The following P2RY1 variants were observed in gnomAD, a reference collection of about 807,000 sequenced individuals.
P2RY1 encodes P2Y purinoceptor 1.
P2RY1 carries 14 observed loss-of-function variants against 22.8 expected under a neutral mutation model. That is an observed-to-expected ratio of 0.61 (90% CI 0.41 to 0.96). The LOEUF (loss-of-function observed/expected upper bound fraction) is 0.96. Among genes scored for constraint, P2RY1 ranks in the 40% least tolerant of loss-of-function variants. P2RY1 has a pLI of 0.00. For missense variants in P2RY1, 395 were observed against 470.3 expected, an observed-to-expected ratio of 0.84 and a Z score of 1.48; for synonymous variants, 200 against 195.1, an observed-to-expected ratio of 1.03 and a Z score of -0.21.
In P2RY1 at chr3:152,838,609, G is replaced by A. The variant is rs181736680; in HGVS notation, c.*1705G>A. ...TAATGACAGGAAATTTTCAGGTCTT[G>A]ATTTCAGTTCTTGCAATGCCTATGT... is the stretch of plus-strand genomic sequence containing the variant. On this transcript the variant is annotated 3_prime_UTR_variant, in exon 1 of 1. Coordinates refer to ENST00000305097, the MANE Select transcript of P2RY1 (RefSeq NM_002563.5). 2.6e-5 allele frequency: 4 copies of A among 152,278 alleles called. No homozygotes were observed. In the East Asian group the frequency reaches 7.7e-4, roughly 29 times the overall value. 9.4% of individuals were successfully genotyped at this position (152,278 alleles called of 1,614,324 possible).
rs571364331 is a variant in P2RY1 at position 152,841,045 on chromosome 3, A to G, written c.*4141A>G. 5.9e-5 allele frequency: 9 copies of G among 152,172 alleles called. No individual in the cohort carries two copies. The highest frequency in any genetic ancestry group is 1.2e-4 in the Non-Finnish European group (8 of 68,026). The allele number at this position is 152,172 out of a possible 1,614,324, so 9.4% of individuals were successfully genotyped here. A position where few individuals can be genotyped will look rare whatever the true frequency, so the allele number is the denominator to read the frequency against. On this transcript the variant is annotated 3_prime_UTR_variant, in exon 1 of 1. Transcript: ENST00000305097. Reference sequence around the variant, plus strand: ...TTTTTATATTATCTGTGATTTTAATATAGATGATTGAACTAGATTTCTTTT... The same window carrying G: ...TTTTTATATTATCTGTGATTTTAATGTAGATGATTGAACTAGATTTCTTTT...
chr3:152,835,654 C>A lies in P2RY1; in HGVS notation c.-129C>A. ...GGGCGAGCCCCTGCGCGCCCCCTCCCGCGGGGATCCAGTTCGCCTGCTCCC... is the reference window on the plus strand; with the variant it reads ...GGGCGAGCCCCTGCGCGCCCCCTCCAGCGGGGATCCAGTTCGCCTGCTCCC... On this transcript the variant is annotated 5_prime_UTR_variant, in exon 1 of 1. Coordinates refer to ENST00000305097, the MANE Select transcript of P2RY1 (RefSeq NM_002563.5). The A allele has an allele frequency of 1.1e-6, 1 of 930,658 alleles. No homozygotes were observed. The highest frequency in any genetic ancestry group is 1.6e-6 in the Non-Finnish European group (1 of 641,568). The allele number at this position is 930,658 out of a possible 1,614,324, so 57.7% of individuals were successfully genotyped here.
rs2108027001 is a variant in P2RY1 at position 152,836,283 on chromosome 3, T to C, written c.501T>C (p.Asn167=). 1 of 1,614,118 alleles carries C rather than the reference T, an allele frequency of 6.2e-7. No individual in the cohort carries two copies. The highest frequency in any genetic ancestry group is 1.1e-5 in the South Asian group (1 of 91,072). The change falls in exon 1 of 1, where the codon AAT becomes AAC. Residue 167 remains asparagine, a synonymous_variant. Coordinates refer to ENST00000305097, the MANE Select transcript of P2RY1 (RefSeq NM_002563.5). The surrounding 1 kb of genome is among the most constrained non-coding windows in gnomAD (Gnocchi z 5.6). ...LKSLGRLKKK[N]AICISVLVWL... is the part of the protein sequence containing the mutation. ...CCCTGGGCCGGCTCAAAAAGAAGAA[T>C]GCGATCTGTATCAGCGTGCTGGTGT...
In P2RY1 at chr3:152,835,251, G is replaced by A. The variant is rs1235509009; in HGVS notation, c.-532G>A. 1 of 153,190 alleles carries A rather than the reference G, an allele frequency of 6.5e-6. No homozygotes were observed. Among genetic ancestry groups the A allele is most frequent in the Non-Finnish European group, 1.5e-5 (1 of 68,826 alleles). 9.5% of individuals were successfully genotyped at this position (153,190 alleles called of 1,614,324 possible). The stretch of plus-strand genomic sequence containing the variant: ...CGCTCCGATGGCTGCCAGGAGCTGA[G>A]CTCAGGGTGGGCGGAGGAAGCGGTT... On this transcript the variant is annotated 5_prime_UTR_variant, in exon 1 of 1. Coordinates refer to ENST00000305097, the MANE Select transcript of P2RY1 (RefSeq NM_002563.5).
Position 152,839,394 on chromosome 3 carries a change from G to A in P2RY1, c.*2490G>A, listed in dbSNP as rs1262134376. 1 of 152,186 alleles carries A rather than the reference G, an allele frequency of 6.6e-6. No homozygotes were observed. 9.4% of individuals were successfully genotyped at this position (152,186 alleles called of 1,614,324 possible). A position where few individuals can be genotyped will look rare whatever the true frequency, so the allele number is the denominator to read the frequency against. The stretch of plus-strand genomic sequence containing the variant: ...TGAAAAACTGATCAGGTCATATGAT[G>A]ATTGAAGTATGTTTATTGTAAGGGC... On this transcript the variant is annotated 3_prime_UTR_variant, in exon 1 of 1. Transcript: ENST00000305097.
In P2RY1 at chr3:152,837,696, C is replaced by T. The variant is rs1364497626; in HGVS notation, c.*792C>T. The T allele has an allele frequency of 2.4e-5, 4 of 167,052 alleles. No homozygotes were observed. The highest frequency in any genetic ancestry group is 5.9e-5 in the Non-Finnish European group (4 of 68,108). 10.3% of individuals were successfully genotyped at this position (167,052 alleles called of 1,614,324 possible). A position where few individuals can be genotyped will look rare whatever the true frequency, so the allele number is the denominator to read the frequency against. On this transcript the variant is annotated 3_prime_UTR_variant, in exon 1 of 1. Coordinates refer to ENST00000305097, the MANE Select transcript of P2RY1 (RefSeq NM_002563.5). ...CTCTTAGACATCTTGTGATAAAGAG[C>T]ATTTACTTGCCCCACTGCTGTGCAA...
Position 152,838,294 on chromosome 3 carries a change from A to G in P2RY1, c.*1390A>G, listed in dbSNP as rs911667384. On this transcript the variant is annotated 3_prime_UTR_variant, in exon 1 of 1. Coordinates refer to ENST00000305097, the MANE Select transcript of P2RY1 (RefSeq NM_002563.5). ...TGCCAGGTGTTAATGAAAAATTTGT[A>G]AAATGCTTCAACAGTGTTAATAATT... 2.6e-5 allele frequency: 4 copies of G among 152,196 alleles called. No homozygotes were observed. The highest frequency in any genetic ancestry group is 5.9e-5 in the Non-Finnish European group (4 of 68,036). 9.4% of individuals were successfully genotyped at this position (152,196 alleles called of 1,614,324 possible).
chr3:152,835,737 C>A lies in P2RY1; in HGVS notation c.-46C>A, dbSNP rs1351827693. On this transcript the variant is annotated 5_prime_UTR_variant, in exon 1 of 1. Transcript: ENST00000305097. ...GCCCCTGGCCGCCGCTGCCCTCTCG[C>A]CGCCTCCTACCCCTCGGAGCCGCCG... The A allele has an allele frequency of 6.6e-7, 1 of 1,513,210 alleles. No homozygotes were observed. The highest frequency in any genetic ancestry group is 2.3e-5 in the East Asian group (1 of 44,028). 93.7% of individuals were successfully genotyped at this position (1,513,210 alleles called of 1,614,324 possible).
Position 152,835,724 on chromosome 3 carries a change from C to G in P2RY1, c.-59C>G. The G allele has an allele frequency of 6.8e-7, 1 of 1,477,474 alleles. No homozygotes were observed. Among genetic ancestry groups the G allele is most frequent in the East Asian group, 2.3e-5 (1 of 43,578 alleles). The allele number at this position is 1,477,474 out of a possible 1,614,324, so 91.5% of individuals were successfully genotyped here. A position where few individuals can be genotyped will look rare whatever the true frequency, so the allele number is the denominator to read the frequency against. On this transcript the variant is annotated 5_prime_UTR_variant, in exon 1 of 1. Coordinates refer to ENST00000305097, the MANE Select transcript of P2RY1 (RefSeq NM_002563.5). The stretch of plus-strand genomic sequence containing the variant: ...CGATGCTTGCTGCGCCCCTGGCCGC[C>G]GCTGCCCTCTCGCCGCCTCCTACCC...
chr3:152,837,014 GAAAATAGTGAGTTAAAA>G lies in P2RY1; in HGVS notation c.*114_*130del. On this transcript the variant is annotated 3_prime_UTR_variant, in exon 1 of 1. Coordinates refer to ENST00000305097, the MANE Select transcript of P2RY1 (RefSeq NM_002563.5). ...CTAGTTTAGAAAAAAATCAAACCAA[GAAAATAGTGAGTTAAAA>G]AAATAATAGAAGTAGAAATGCCCAC... 1 of 835,004 alleles carries G rather than the reference GAAAATAGTGAGTTAAAA, an allele frequency of 1.2e-6. No homozygotes were observed. The highest frequency in any genetic ancestry group is 1.9e-6 in the Non-Finnish European group (1 of 535,666). The allele number at this position is 835,004 out of a possible 1,614,324, so 51.7% of individuals were successfully genotyped here.
At position 152,835,584 on chromosome 3, in the gene P2RY1, G is replaced by A. The variant is rs1171329500; in HGVS notation, c.-199G>A. 2 of 570,446 alleles carry A rather than the reference G, an allele frequency of 3.5e-6. No individual in the cohort carries two copies. Among genetic ancestry groups the A allele is most frequent in the Non-Finnish European group, 6.0e-6 (2 of 331,584 alleles). The allele number at this position is 570,446 out of a possible 1,614,324, so 35.3% of individuals were successfully genotyped here. A position where few individuals can be genotyped will look rare whatever the true frequency, so the allele number is the denominator to read the frequency against. On this transcript the variant is annotated 5_prime_UTR_variant, in exon 1 of 1. Coordinates refer to ENST00000305097, the MANE Select transcript of P2RY1 (RefSeq NM_002563.5). ...ATAGCCCAGTTCGGTGGCGGCCCGG[G>A]GCGGATTTCATGGCCCGCGGCGAAC...
At position 152,837,007 on chromosome 3, in the gene P2RY1, A is replaced by T; in HGVS notation, c.*103A>T. 1 of 912,760 alleles carries T rather than the reference A, an allele frequency of 1.1e-6. No individual in the cohort carries two copies. Among genetic ancestry groups the T allele is most frequent in the Non-Finnish European group, 1.7e-6 (1 of 602,182 alleles). The allele number at this position is 912,760 out of a possible 1,614,324, so 56.5% of individuals were successfully genotyped here. The stretch of plus-strand genomic sequence containing the variant: ...TAACTTTCTAGTTTAGAAAAAAATC[A>T]AACCAAGAAAATAGTGAGTTAAAAA... On this transcript the variant is annotated 3_prime_UTR_variant, in exon 1 of 1. Coordinates refer to ENST00000305097, the MANE Select transcript of P2RY1 (RefSeq NM_002563.5).
chr3:152,836,453 C>G lies in P2RY1; in HGVS notation c.671C>G (p.Ala224Gly). 1.2e-6 allele frequency: 2 copies of G among 1,614,086 alleles called. No homozygotes were observed. The highest frequency in any genetic ancestry group is 1.7e-5 in the Admixed American group (1 of 60,022). ...YFIYSMCTTV[A>G]MFCVPLVLIL... ...ATCTACAGCATGTGCACGACCGTGG[C>G]CATGTTCTGTGTCCCCTTGGTGCTG... The change falls in exon 1 of 1, where the codon GCC (alanine) becomes GGC (glycine). Residue 224 changes from alanine (A) to glycine (G), a missense_variant. Transcript: ENST00000305097. The surrounding 1 kb of genome is among the most constrained non-coding windows in gnomAD (Gnocchi z 5.6).
rs1284407458 is a variant in P2RY1, at chr3:152,837,977, C to A, written c.*1073C>A. 1.8e-5 allele frequency: 3 copies of A among 167,082 alleles called. No homozygotes were observed. The East Asian group carries it at 5.8e-4, about 32-fold the overall frequency. 10.3% of individuals were successfully genotyped at this position (167,082 alleles called of 1,614,324 possible). On this transcript the variant is annotated 3_prime_UTR_variant, in exon 1 of 1. Transcript: ENST00000305097. ...GGCAGAAGACATTTTAGAATGAGGG[C>A]TTTAGTTTAAATTAAAGTCATGGTG...
chr3:152,837,001 A>G lies in P2RY1; in HGVS notation c.*97A>G. Reference sequence around the variant, plus strand: ...CCTCTTTAACTTTCTAGTTTAGAAAAAAATCAAACCAAGAAAATAGTGAGT... The same window carrying G: ...CCTCTTTAACTTTCTAGTTTAGAAAGAAATCAAACCAAGAAAATAGTGAGT... On this transcript the variant is annotated 3_prime_UTR_variant, in exon 1 of 1. Coordinates refer to ENST00000305097, the MANE Select transcript of P2RY1 (RefSeq NM_002563.5). 1.0e-6 allele frequency: 1 copy of G among 985,182 alleles called. No homozygotes were observed. The highest frequency in any genetic ancestry group is 1.6e-5 in the African/African-American group (1 of 61,184). The allele number at this position is 985,182 out of a possible 1,614,324, so 61.0% of individuals were successfully genotyped here.
rs1716244496 is a variant in P2RY1 at position 152,839,338 on chromosome 3, G to C, written c.*2434G>C. 1 of 152,180 alleles carries C rather than the reference G, an allele frequency of 6.6e-6. No individual in the cohort carries two copies. The highest frequency in any genetic ancestry group is 2.1e-4 in the South Asian group (1 of 4,822). The allele number at this position is 152,180 out of a possible 1,614,324, so 9.4% of individuals were successfully genotyped here. A position where few individuals can be genotyped will look rare whatever the true frequency, so the allele number is the denominator to read the frequency against. On this transcript the variant is annotated 3_prime_UTR_variant, in exon 1 of 1. Coordinates refer to ENST00000305097, the MANE Select transcript of P2RY1 (RefSeq NM_002563.5). ...TGTGCCAATGGTGAAAACGTACAGA[G>C]GGTCAGGGTGAAGCAGTGATCTCTA...
rs1176982057 is a variant in P2RY1, at chr3:152,840,410, ATATCT to A, written c.*3509_*3513del. On this transcript the variant is annotated 3_prime_UTR_variant, in exon 1 of 1. Transcript: ENST00000305097. Reference sequence around the variant, plus strand: ...TCATAAGATCGATAGTGAATATAAAATATCTTAGCCAAATGGGGTCTGTATTGTCT... The same window carrying A: ...TCATAAGATCGATAGTGAATATAAAATAGCCAAATGGGGTCTGTATTGTCT... 3.3e-5 allele frequency: 5 copies of A among 152,202 alleles called. No homozygotes were observed. Among genetic ancestry groups the A allele is most frequent in the Non-Finnish European group, 7.3e-5 (5 of 68,030 alleles). 9.4% of individuals were successfully genotyped at this position (152,202 alleles called of 1,614,324 possible).
rs180842900 is a variant in P2RY1 at position 152,839,105 on chromosome 3, G to A, written c.*2201G>A. 9.3e-4 allele frequency: 142 copies of A among 152,294 alleles called. No individual in the cohort carries two copies. The highest frequency in any genetic ancestry group is 3.3e-3 in the African/African-American group (136 of 41,568). 9.4% of individuals were successfully genotyped at this position (152,294 alleles called of 1,614,324 possible). On this transcript the variant is annotated 3_prime_UTR_variant, in exon 1 of 1. Transcript: ENST00000305097. ...TATGTGTTAAGTACATTGTTTCAGC[G>A]TCCAGAGAATTTTGTGAGTGTGGAT...
chr3:152,835,631 G>A lies in P2RY1; in HGVS notation c.-152G>A, dbSNP rs1314043929. Reference sequence around the variant, plus strand: ...GAACGCGGGGCCAGAGCTGGCGTGGGCGAGCCCCTGCGCGCCCCCTCCCGC... The same window carrying A: ...GAACGCGGGGCCAGAGCTGGCGTGGACGAGCCCCTGCGCGCCCCCTCCCGC... On this transcript the variant is annotated 5_prime_UTR_variant, in exon 1 of 1. Transcript: ENST00000305097. 4.1e-6 allele frequency: 3 copies of A among 733,148 alleles called. No homozygotes were observed. The highest frequency in any genetic ancestry group is 6.5e-6 in the Non-Finnish European group (3 of 464,092). 45.4% of individuals were successfully genotyped at this position (733,148 alleles called of 1,614,324 possible).
Sources: gnomAD v4.1 joint callset for allele counts on GRCh38, gnomAD v4.1.1 for gene constraint, Gnocchi (gnomAD v3.1) non-coding constraint, MANE v1.5 for transcripts, NCBI Gene and HGNC (gene_info 2026-07-23, HGNC 2026-07-21) for gene names.